Variants in STX8 observed in about 807,000 individuals in gnomAD.
The protein encoded by STX8 is syntaxin 8.
In STX8, 23 loss-of-function variants were observed where a neutral mutation model predicts 37.5. The ratio of observed to expected loss-of-function variants is 0.61; its 90% CI spans 0.44 to 0.87. The LOEUF is 0.87. STX8 is among the 40% of genes least tolerant of loss of function. The pLI, the probability that STX8 is intolerant of heterozygous loss-of-function variation, is 0.00. For synonymous variants in STX8, 115 were observed against 99.1 expected, an observed-to-expected ratio of 1.16 and a Z score of -0.95; for missense variants, 313 against 284.7, an observed-to-expected ratio of 1.10 and a Z score of -0.71.
At chr17:9,568,322 C>A (rs1310734701) in intron 2 of STX8, 49 bp downstream of exon 2, 5 of 1,441,672 alleles carry the variant, frequency 3.5e-6, no homozygotes, top group Non-Finnish European at 9.7e-7. Context: ...GGTTTTCAGG[C>A]CTCAAAACTC....
chr17:9,453,028 AC>A (rs2142405143), intron 6 of STX8, among the ~76,000 whole-genome samples: 1 of 151,070 alleles, frequency 6.6e-6, no homozygotes, highest in East Asian at 2.0e-4. Context: ...CTGGTCTTGA[AC>A]TCCTGACCTC....
chr17:9,435,014 G>A (rs1006657673), intron 6 of STX8, among the ~76,000 whole-genome samples: 3 of 152,148 alleles, frequency 2.0e-5, no homozygotes, highest in Non-Finnish European at 2.9e-5. Context: ...GCTGGTTTCA[G>A]CTGGCTTCTT....
chr17:9,299,691 C>T (rs1344377146), intron 7 of STX8, among the ~76,000 whole-genome samples: 1 of 152,150 alleles, frequency 6.6e-6, no homozygotes, highest in Admixed American at 6.5e-5. Context: ...GATCTACTGC[C>T]TCAGCCTCCC....
intron 7 of STX8, among the ~76,000 whole-genome samples, chr17:9,302,879 A>G (rs57851911): frequency 0.14 from 21,716 of 151,728 alleles, 4,969 homozygotes; most frequent in African/African-American, 0.49. Context: ...GGAAAGATTC[A>G]GTATTTTTAT....
chr17:9,508,017 A>G (rs1904900491), intron 4 of STX8, among the ~76,000 whole-genome samples: 1 of 152,230 alleles, frequency 6.6e-6, no homozygotes, highest in Non-Finnish European at 1.5e-5. Context: ...ATCGAACATG[A>G]AAAAGCAAGG....
chr17:9,253,665 A>C (rs542740001), intron 7 of STX8, among the ~76,000 whole-genome samples: 2 of 152,104 alleles, frequency 1.3e-5, no homozygotes, highest in African/African-American at 4.8e-5. Context: ...GTGTTTTAGG[A>C]AGAGGTACTG....
At chr17:9,288,772 G>C (rs1025281768) in intron 7 of STX8, among the ~76,000 whole-genome samples, 3 of 151,742 alleles carry the variant, frequency 2.0e-5, no homozygotes, top group Admixed American at 2.0e-4. Context: ...AAAAATGAAA[G>C]ACAGAAGAGA....
intron 7 of STX8, among the ~76,000 whole-genome samples, chr17:9,355,833 G>A (rs1910864170): frequency 6.6e-6 from 1 of 152,024 alleles, no homozygotes; most frequent in Non-Finnish European, 1.5e-5. Context: ...AAAAACTTTT[G>A]TAGAGACAGG....
At chr17:9,332,298 C>T (rs1291483429) in intron 7 of STX8, among the ~76,000 whole-genome samples, 1 of 152,176 alleles carries the variant, frequency 6.6e-6, no homozygotes, top group African/African-American at 2.4e-5. Flanking sequence ...GAGAATGACT[C>T]AGAGGCAGAG....
At chr17:9,315,175 C>T (rs1341479999) in intron 7 of STX8, among the ~76,000 whole-genome samples, 2 of 148,220 alleles carry the variant, frequency 1.3e-5, no homozygotes, top group African/African-American at 2.5e-5. Flanking sequence ...AAACAAAAAA[C>T]AAAAAAAACC....
chr17:9,482,704 C>T (rs1037098363), intron 6 of STX8, among the ~76,000 whole-genome samples: 15 of 151,940 alleles, frequency 9.9e-5, no homozygotes, highest in Non-Finnish European at 1.5e-4. Flanking sequence ...ACCTGAGACC[C>T]GGAGTTCGAG....
Position 9,261,937 on chromosome 17 carries a change from T to C in STX8, c.644-11292A>G, listed in dbSNP as rs1260024649. Among the ~76,000 whole-genome samples the C allele has an allele frequency of 4.6e-5, 7 of 152,346 alleles. No homozygotes were observed. In the East Asian group the frequency reaches 1.3e-3, roughly 29 times the overall value. On this transcript the variant is annotated intron_variant, in intron 7 of 7. Transcript: ENST00000306357. ...CTTGTTTTGACAATTCCCTCTTGAC[T>C]GTCGGAAGATTCCTGCAAGGTTCCA...
chr17:9,405,224 G>A (rs766923261), intron 6 of STX8, among the ~76,000 whole-genome samples: 5 of 152,136 alleles, frequency 3.3e-5, no homozygotes, highest in Non-Finnish European at 7.3e-5. Flanking sequence ...AATCCTTTCT[G>A]TAGAGTACCA....
intron 6 of STX8, among the ~76,000 whole-genome samples, chr17:9,400,196 G>A (rs1340528779): frequency 3.3e-5 from 5 of 149,410 alleles, no homozygotes; most frequent in African/African-American, 9.9e-5. Context: ...TCCGCCTCCC[G>A]GGTTCATGCC....
intron 7 of STX8, among the ~76,000 whole-genome samples, chr17:9,335,155 T>C (rs983569233): frequency 2.6e-5 from 4 of 152,124 alleles, no homozygotes; most frequent in Non-Finnish European, 5.9e-5. Context: ...GGAATTAGCT[T>C]AGACTGTGTG....
chr17:9,482,050 T>C (rs570098837), intron 6 of STX8, among the ~76,000 whole-genome samples: 8 of 152,246 alleles, frequency 5.3e-5, no homozygotes, highest in South Asian at 2.1e-4. Flanking sequence ...GACATGCCCA[T>C]AGTCCCAGCT....
chr17:9,531,606 T>C (rs191144723), intron 4 of STX8, among the ~76,000 whole-genome samples: 1 of 152,346 alleles, frequency 6.6e-6, no homozygotes, highest in African/African-American at 2.4e-5. Context: ...CATGGGTATA[T>C]ATTCACAAGT....
chr17:9,560,375 G>A (rs1225703794), intron 2 of STX8, among the ~76,000 whole-genome samples: 2 of 131,800 alleles, frequency 1.5e-5, no homozygotes, highest in African/African-American at 5.5e-5. Context: ...TCCAGCCTGG[G>A]CGACAGAGCA....
At chr17:9,465,171 G>A (rs913042667) in intron 6 of STX8, among the ~76,000 whole-genome samples, 3 of 151,420 alleles carry the variant, frequency 2.0e-5, no homozygotes, top group African/African-American at 7.3e-5. Flanking sequence ...TCAGTAATAG[G>A]CAGAGGATTA....
Sources: gnomAD v4.1 joint callset for allele counts (sites outside exome capture counted in the v4.1 genomes callset) on GRCh38, gnomAD v4.1.1 for gene constraint, MANE v1.5 for transcripts, NCBI Gene and HGNC (gene_info 2026-07-23, HGNC 2026-07-21) for gene names.